Variants in KPNA4 observed in about 807,000 individuals in gnomAD.
KPNA4 encodes the protein karyopherin subunit alpha 4.
Under a neutral mutation model 71.3 loss-of-function variants are expected in KPNA4, and 13 were observed. That is an observed-to-expected ratio of 0.18 (90% CI 0.12 to 0.29). The LOEUF (loss-of-function observed/expected upper bound fraction) is 0.29. KPNA4 is among the 10% of genes least tolerant of loss of function. The probability of loss-of-function intolerance (pLI) is 1.00; values close to 1 mark genes in which losing one functional copy is unlikely to be tolerated. For missense variants in KPNA4, 334 were observed against 603.2 expected (o/e 0.55, Z 4.67); for synonymous variants, 189 against 195.2 (o/e 0.97, Z 0.26).
At chr3:160,522,530 T>G (rs964296338) in intron 10 of KPNA4, among the ~76,000 whole-genome samples, 2 of 152,136 alleles carry the variant, frequency 1.3e-5, no homozygotes, top group South Asian at 4.2e-4. Flanking sequence ...CGATCTCGGT[T>G]CACTGCAAGC....
At position 160,518,585 on chromosome 3, in the gene KPNA4, C is replaced by T. The variant is rs184416592; in HGVS notation, c.904-3005G>A. Among the ~76,000 whole-genome samples the T allele has an allele frequency of 4.5e-3, 685 of 150,768 alleles. 6 individuals carry two copies. Among genetic ancestry groups the T allele is most frequent in the Middle Eastern group, 0.014 (4 of 294 alleles). On this transcript the variant is annotated intron_variant, in intron 11 of 16. Coordinates refer to ENST00000334256, the MANE Select transcript of KPNA4 (RefSeq NM_002268.5). ...CTTATTGAAAATCAACTTGGCCGGG[C>T]GCGGTGGCTCACGCCTGCAATCCCA... is the stretch of plus-strand genomic sequence containing the variant.
Position 160,540,002 on chromosome 3 carries a change from T to TC in KPNA4, c.70-3163_70-3162insG, listed in dbSNP as rs796961097. Among the ~76,000 whole-genome samples, 191 of 148,720 alleles carry TC rather than the reference T, an allele frequency of 1.3e-3. 1 individual carries two copies. The highest frequency in any genetic ancestry group is 4.5e-3 in the African/African-American group (184 of 40,796). ...GAAAAATTTTCTTTTTCTTTTCTTT[T>TC]TTTTTTTTTTTTGGTGAGACGGAGT... On this transcript the variant is annotated intron_variant, in intron 1 of 16. Transcript: ENST00000334256.
At chr3:160,541,778 A>G (rs1348526198) in intron 1 of KPNA4, among the ~76,000 whole-genome samples, 1 of 151,942 alleles carries the variant, frequency 6.6e-6, no homozygotes, top group Non-Finnish European at 1.5e-5. Context: ...ATTGCCAAGC[A>G]TTAGAAATAC....
At chr3:160,551,592 A>G (rs942687152) in intron 1 of KPNA4, among the ~76,000 whole-genome samples, 2 of 152,206 alleles carry the variant, frequency 1.3e-5, no homozygotes, top group Non-Finnish European at 1.5e-5. Context: ...TGAAGTAGAG[A>G]GTCAGAGATG....
chr3:160,499,348 A>C lies in KPNA4; in HGVS notation c.*2756T>G, dbSNP rs1157481837. On this transcript the variant is annotated 3_prime_UTR_variant, in exon 17 of 17. Coordinates refer to ENST00000334256, the MANE Select transcript of KPNA4 (RefSeq NM_002268.5). ...TTTTTACAGCACTTGAGGTGGTCTC[A>C]ATGTTCAAAAAGACAGTTTAAGACA... 6.6e-6 allele frequency: 1 copy of C among 152,170 alleles called. No homozygotes were observed. Among genetic ancestry groups the C allele is most frequent in the Non-Finnish European group, 1.5e-5 (1 of 68,014 alleles). The allele number at this position is 152,170 out of a possible 1,614,324, so 9.4% of individuals were successfully genotyped here. A position where few individuals can be genotyped will look rare whatever the true frequency, so the allele number is the denominator to read the frequency against.
rs1460275695 is a variant in KPNA4 at position 160,495,755 on chromosome 3, A to C, written c.*6349T>G. On this transcript the variant is annotated 3_prime_UTR_variant, in exon 17 of 17. Coordinates refer to ENST00000334256, the MANE Select transcript of KPNA4 (RefSeq NM_002268.5). The stretch of plus-strand genomic sequence containing the variant: ...CCATTTATGAAGGCAGCACATCGGC[A>C]AGTAAAAATGTAAGTGAAGGTAGGA... The C allele has an allele frequency of 6.6e-6, 1 of 151,074 alleles. No homozygotes were observed. The highest frequency in any genetic ancestry group is 1.5e-5 in the Non-Finnish European group (1 of 67,860). 9.4% of individuals were successfully genotyped at this position (151,074 alleles called of 1,614,324 possible).
chr3:160,562,833 A>AT (rs1303454384), intron 1 of KPNA4, among the ~76,000 whole-genome samples: 1 of 152,224 alleles, frequency 6.6e-6, no homozygotes, highest in Admixed American at 6.5e-5. Flanking sequence ...ATATATACTT[A>AT]TTTTTTAAAA....
intron 11 of KPNA4, among the ~76,000 whole-genome samples, chr3:160,517,665 G>A (rs987826315): frequency 3.3e-5 from 5 of 152,062 alleles, no homozygotes; most frequent in Non-Finnish European, 5.9e-5. Flanking sequence ...TGGTGGGTGT[G>A]AAGTAGTATC....
intron 8 of KPNA4, among the ~76,000 whole-genome samples, chr3:160,527,555 GA>G (rs934646269): frequency 1.3e-5 from 2 of 152,028 alleles, no homozygotes; most frequent in African/African-American, 4.8e-5. Context: ...TCATTACGGA[GA>G]AAAATTATTG....
chr3:160,537,737 C>G (rs1721717988), intron 1 of KPNA4, among the ~76,000 whole-genome samples: 1 of 151,298 alleles, frequency 6.6e-6, no homozygotes, highest in African/African-American at 2.4e-5. Context: ...TCCATCCTTG[C>G]AGCTGCAAAG....
At chr3:160,521,625 A>G (rs1255424867) in intron 11 of KPNA4, among the ~76,000 whole-genome samples, 154 bp downstream of exon 11, 7 of 152,288 alleles carry the variant, frequency 4.6e-5, no homozygotes, top group African/African-American at 1.7e-4. Flanking sequence ...GTAATCTACA[A>G]TGGCATCTTA....
chr3:160,547,881 T>G (rs1721955697), intron 1 of KPNA4, among the ~76,000 whole-genome samples: 1 of 152,234 alleles, frequency 6.6e-6, no homozygotes. Flanking sequence ...TGTCTTTTCA[T>G]GGCTTAACAG....
intron 13 of KPNA4, among the ~76,000 whole-genome samples, chr3:160,512,044 T>C (rs1347447579): frequency 6.6e-6 from 1 of 152,218 alleles, no homozygotes; most frequent in Non-Finnish European, 1.5e-5. Flanking sequence ...CCTGAACTCA[T>C]CATCTTTCAC....
intron 1 of KPNA4, among the ~76,000 whole-genome samples, chr3:160,559,179 G>T (rs1228090530): frequency 6.6e-6 from 1 of 152,138 alleles, no homozygotes; most frequent in African/African-American, 2.4e-5. Flanking sequence ...TCACAAAAAT[G>T]AGCAAAGTGA....
chr3:160,549,425 C>CT (rs1191500798), intron 1 of KPNA4, among the ~76,000 whole-genome samples: 1 of 152,112 alleles, frequency 6.6e-6, no homozygotes, highest in Non-Finnish European at 1.5e-5. Flanking sequence ...ATGTTTAAGT[C>CT]TTTTATCCAT....
At chr3:160,528,180 T>C (rs1721498944) in intron 7 of KPNA4, 141 bp from the exon 8 acceptor site, 2 of 536,940 alleles carry the variant, frequency 3.7e-6, no homozygotes, top group African/African-American at 1.9e-5. Context: ...ATGAATTTTA[T>C]TGGAATAGCA....
In KPNA4 at chr3:160,508,209, C is replaced by A; in HGVS notation, c.1270G>T (p.Asp424Tyr). 2 of 1,611,566 alleles carry A rather than the reference C, an allele frequency of 1.2e-6. No homozygotes were observed. The highest frequency in any genetic ancestry group is 1.7e-6 in the Non-Finnish European group (2 of 1,178,884). The change falls in exon 15 of 17, where the codon GAT becomes TAT. Residue 424 changes from aspartate to tyrosine, a missense_variant. Asp to Tyr is a radical substitution (Grantham distance 160). Coordinates refer to ENST00000334256, the MANE Select transcript of KPNA4 (RefSeq NM_002268.5). ...AGTACTACTTGCACAACTTGTGCATCTTTTACAGTCAGCAAGTTGCAAAAA... is the reference window on the plus strand; with the variant it reads ...AGTACTACTTGCACAACTTGTGCATATTTTACAGTCAGCAAGTTGCAAAAA... Reference protein sequence around the residue: ...PPFCNLLTVKDAQVVQVVLDG... With the variant: ...PPFCNLLTVKYAQVVQVVLDG...
intron 1 of KPNA4, among the ~76,000 whole-genome samples, chr3:160,552,762 C>T (rs998042445): frequency 6.6e-6 from 1 of 152,080 alleles, no homozygotes; most frequent in African/African-American, 2.4e-5. Context: ...ACAGACAGAG[C>T]AGCATGTGTG....
At chr3:160,552,823 A>G (rs766629037) in intron 1 of KPNA4, among the ~76,000 whole-genome samples, 1 of 152,150 alleles carries the variant, frequency 6.6e-6, no homozygotes, top group Non-Finnish European at 1.5e-5. Flanking sequence ...TTAAAAGAAG[A>G]TAAATGAATA....
Sources: gnomAD v4.1 joint callset for allele counts (sites outside exome capture counted in the v4.1 genomes callset) on GRCh38, gnomAD v4.1.1 for gene constraint, MANE v1.5 for transcripts, NCBI Gene and HGNC (gene_info 2026-07-23, HGNC 2026-07-21) for gene names.